ZNF232: variants seen among roughly 807,000 people sequenced by gnomAD.
ZNF232 encodes the protein zinc finger protein 232, also known as zinc finger and SCAN domain-containing protein 11.
A neutral mutation model predicts 25.2 loss-of-function variants in ZNF232; 25 were observed. The ratio of observed to expected loss-of-function variants is 0.99; its 90% CI spans 0.72 to 1.39. ZNF232 has a LOEUF of 1.39. Ranked by LOEUF, ZNF232 falls within the 40% of genes most tolerant of loss-of-function variation. The pLI, the probability that ZNF232 is intolerant of heterozygous loss-of-function variation, is 0.00. For missense variants in ZNF232, 519 were observed against 520.9 expected (o/e 1.00, Z 0.04); for synonymous variants, 193 against 182.9 (o/e 1.06, Z -0.45).
exon 1 of ZNF232, chr17:5,111,834 C>T: frequency 2.5e-6 from 4 of 1,613,680 alleles, no homozygotes; most frequent in East Asian, 2.2e-5. Flanking sequence ...GGGGCGCTGC[C>T]GCGAATCGCG....
chr17:5,111,692 CGCGGAGCTGCCTGCCAGGCCTGCTCACT>C (rs2072415777), intron 1 of ZNF232, 80 bp downstream of exon 1: 3 of 1,574,436 alleles, frequency 1.9e-6, no homozygotes, highest in African/African-American at 1.4e-5. Flanking sequence ...CACACACAAC[CGCGGAGCTGCCTGCCAGGCCTGCTCACT>C]GCAGAGCCGC....
chr17:5,122,346 C>G (rs2143731368), intron 1 of ZNF232, among the ~76,000 whole-genome samples: 1 of 152,238 alleles, frequency 6.6e-6, no homozygotes, highest in African/African-American at 2.4e-5. Context: ...CCATCAGCCA[C>G]AGGGTGAAGA....
At chr17:5,116,593 CT>C (rs1268636885), upstream of ZNF232, 1 of 152,362 alleles carries the variant, frequency 6.6e-6, no homozygotes, top group African/African-American at 2.4e-5. Context: ...CGTGGAGGCA[CT>C]AGACCCTCAC....
At chr17:5,111,509 CG>C in intron 1 of ZNF232, 2 of 479,372 alleles carry the variant, frequency 4.2e-6, no homozygotes, top group Non-Finnish European at 7.3e-6. Context: ...GGTGCCCGCC[CG>C]GGGAGGGGGC....
At chr17:5,106,594 G>C in intron 3 of ZNF232, 61 bp from the exon 4 acceptor site, 1 of 1,376,768 alleles carries the variant, frequency 7.3e-7, no homozygotes, top group Non-Finnish European at 9.9e-7. Context: ...GAAAACAAAT[G>C]CTTAAAAACA....
At chr17:5,113,699 T>A (rs2072468373), upstream of ZNF232, 1 of 152,262 alleles carries the variant, frequency 6.6e-6, no homozygotes, top group Non-Finnish European at 1.5e-5. Context: ...GACTTTTGGA[T>A]TAGATTCTGT....
chr17:5,106,169 G>C, exon 4 of ZNF232: 3 of 1,614,150 alleles, frequency 1.9e-6, no homozygotes, highest in Non-Finnish European at 2.5e-6. Flanking sequence ...TACACTTATA[G>C]GGTTTCTCTC....
intron 3 of ZNF232, among the ~76,000 whole-genome samples, chr17:5,108,182 T>C (rs1477959264): frequency 2.6e-5 from 4 of 152,310 alleles, no homozygotes; most frequent in East Asian, 3.9e-4. Context: ...GGGGCAGTTA[T>C]GGTGTAAAAG....
At chr17:5,112,312 C>G (rs1445677446), upstream of ZNF232, 1 of 161,962 alleles carries the variant, frequency 6.2e-6, no homozygotes, top group Non-Finnish European at 1.3e-5. Context: ...ACGGTCCCTT[C>G]CACGAAAAAA....
At chr17:5,108,935 G>A in exon 3 of ZNF232, 1 of 1,613,960 alleles carries the variant, frequency 6.2e-7, no homozygotes, top group Non-Finnish European at 8.5e-7. Context: ...CCACTCTTTG[G>A]GAAAGGCTGG....
upstream of ZNF232, chr17:5,114,978 TGA>T (rs1271929269): frequency 6.6e-6 from 1 of 152,208 alleles, no homozygotes; most frequent in Admixed American, 6.5e-5. Context: ...CCTCCAAAAC[TGA>T]GAAAATAAAT....
chr17:5,106,400 G>A (rs1361392910), exon 4 of ZNF232: 1 of 1,614,062 alleles, frequency 6.2e-7, no homozygotes, highest in African/African-American at 1.3e-5. Flanking sequence ...CAAATGTAGA[G>A]GTGTCAGTAG....
chr17:5,111,514 A>AG, intron 1 of ZNF232: 1 of 472,174 alleles, frequency 2.1e-6, no homozygotes, highest in Non-Finnish European at 3.7e-6. Context: ...CCGCCCGGGG[A>AG]GGGGGCTGTC....
intron 2 of ZNF232, 128 bp downstream of exon 2, chr17:5,109,266 A>G: frequency 7.9e-7 from 1 of 1,271,470 alleles, no homozygotes; most frequent in Non-Finnish European, 1.1e-6. Flanking sequence ...AGACACAGAA[A>G]CACATACTAA....
At position 5,117,345 on chromosome 17, in the gene ZNF232, C is replaced by A. The variant is rs541495370; in HGVS notation, c.-529-4994G>T. ...AGCCTGACCAACATGGTGAAACCCC[C>A]TCTCTACAAAAAATACAAAAATTAG... On this transcript the variant is annotated intron_variant, in intron 1 of 4. Coordinates refer to the ZNF232 transcript ENST00000250076. Among the ~76,000 whole-genome samples, 3 of 151,940 alleles carry A rather than the reference C, an allele frequency of 2.0e-5. No homozygotes were observed. The East Asian group carries it at 5.8e-4, about 29-fold the overall frequency.
intron 1 of ZNF232, chr17:5,111,453 C>A: frequency 2.4e-6 from 1 of 409,306 alleles, no homozygotes; most frequent in Non-Finnish European, 4.4e-6. Flanking sequence ...GGGTGATGCC[C>A]GGCGCCGCTG....
intron 1 of ZNF232, among the ~76,000 whole-genome samples, chr17:5,122,666 C>T (rs901073177): frequency 3.3e-4 from 50 of 152,300 alleles, no homozygotes; most frequent in African/African-American, 1.1e-3. Context: ...GACACAGCTC[C>T]GCCCTTCCCG....
At chr17:5,105,782 G>C (rs1391250406) in exon 4 of ZNF232, 1 of 1,500,536 alleles carries the variant, frequency 6.7e-7, no homozygotes, top group African/African-American at 1.4e-5. Flanking sequence ...AAGTAGATTA[G>C]ACCGATGTAG....
At chr17:5,110,836 C>T (rs1460411040) in intron 1 of ZNF232, among the ~76,000 whole-genome samples, 2 of 152,102 alleles carry the variant, frequency 1.3e-5, no homozygotes, top group Admixed American at 6.5e-5. Flanking sequence ...CAGTAGGATC[C>T]GTGGCTCGCA....
Sources: gnomAD v4.1 joint callset for allele counts (sites outside exome capture counted in the v4.1 genomes callset) on GRCh38, gnomAD v4.1.1 for gene constraint, MANE v1.5 for transcripts, NCBI Gene and HGNC (gene_info 2026-07-23, HGNC 2026-07-21) for gene names.